The following HCN4 variants were observed in gnomAD, a reference collection of about 807,000 sequenced individuals.
HCN4 encodes potassium/sodium hyperpolarization-activated cyclic nucleotide-gated channel 4.
A neutral mutation model predicts 76.9 loss-of-function variants in HCN4; 29 were observed. The ratio of observed to expected loss-of-function variants is 0.38; its 90% confidence interval spans 0.28 to 0.51. HCN4 has a LOEUF of 0.51. HCN4 is among the 20% of genes least tolerant of loss of function. The pLI, the probability that HCN4 is intolerant of heterozygous loss-of-function variation, is 0.90. For missense variants in HCN4, 1,416 were observed against 1,715.2 expected, an observed-to-expected ratio of 0.83 and a Z score of 3.08; for synonymous variants, 772 against 762.5, an observed-to-expected ratio of 1.01 and a Z score of -0.21.
intron 2 of HCN4, among the ~76,000 whole-genome samples, chr15:73,333,082 C>T (rs1375442054): frequency 6.6e-6 from 1 of 152,142 alleles, no homozygotes; most frequent in Admixed American, 6.5e-5. Flanking sequence ...TTTACAGCAC[C>T]CTTGACCCCA....
chr15:73,351,764 A>C (rs529409719), intron 1 of HCN4, among the ~76,000 whole-genome samples: 17 of 152,116 alleles, frequency 1.1e-4, no homozygotes, highest in African/African-American at 3.9e-4. Flanking sequence ...TGAAATCCAA[A>C]TTCCTCACTG....
intron 6 of HCN4, 37 bp from the exon 7 acceptor site, chr15:73,324,290 A>G: frequency 6.2e-7 from 1 of 1,607,970 alleles, no homozygotes; most frequent in Non-Finnish European, 8.5e-7. Context: ...AGGCATGCAC[A>G]GCCTGCCCAG....
chr15:73,323,918 G>C lies in HCN4; in HGVS notation c.2175C>G (p.Val725=), dbSNP rs2042882216. ...GKKNSILLHK[V]QHDLNSGVFN... The stretch of plus-strand genomic sequence containing the variant: ...AGACGCCGGAGTTGAGGTCGTGCTG[G>C]ACTTTGTGGAGGAGGATGGAGTTCT... The change falls in exon 8 of 8, where the codon GTC becomes GTG. Residue 725 remains valine, a synonymous_variant. Coordinates refer to ENST00000261917, the MANE Select transcript of HCN4 (RefSeq NM_005477.3). 6.2e-7 allele frequency: 1 copy of C among 1,604,190 alleles called. No homozygotes were observed. Among genetic ancestry groups the C allele is most frequent in the Non-Finnish European group, 8.5e-7 (1 of 1,179,948 alleles).
intron 4 of HCN4, among the ~76,000 whole-genome samples, chr15:73,327,692 G>A (rs1184677443): frequency 1.3e-5 from 2 of 151,954 alleles, no homozygotes; most frequent in Non-Finnish European, 1.5e-5. Flanking sequence ...GTAGAGAAGG[G>A]TCCTCTAACC....
chr15:73,323,174 C>T lies in HCN4; in HGVS notation c.2919G>A (p.Gly973=), dbSNP rs2151214267. ...ACTCCCCGGGAGGCTGGCCCAGCTG[C>T]CCGGGGCTAGATGACGGGGATCTGG... is the stretch of plus-strand genomic sequence containing the variant. ...PSSRSPSSSP[G]QLGQPPGELS... Residue 973 remains glycine, a synonymous_variant, in exon 8 of 8, where the codon GGG becomes GGA. Coordinates refer to ENST00000261917, the MANE Select transcript of HCN4 (RefSeq NM_005477.3). 4.5e-6 allele frequency: 7 copies of T among 1,556,632 alleles called. No homozygotes were observed. Among genetic ancestry groups the T allele is most frequent in the Non-Finnish European group, 6.1e-6 (7 of 1,153,574 alleles).
chr15:73,323,170 G>A lies in HCN4; in HGVS notation c.2923C>T (p.Leu975=), dbSNP rs779810552. 1 of 1,556,254 alleles carries A rather than the reference G, an allele frequency of 6.4e-7. No individual in the cohort carries two copies. The highest frequency in any genetic ancestry group is 8.7e-7 in the Non-Finnish European group (1 of 1,153,306). The change falls in exon 8 of 8, where the codon CTG becomes TTG. Residue 975 remains leucine (L), a synonymous_variant. Coordinates refer to ENST00000261917, the MANE Select transcript of HCN4 (RefSeq NM_005477.3). ...GACAACTCCCCGGGAGGCTGGCCCA[G>A]CTGCCCGGGGCTAGATGACGGGGAT... is the stretch of plus-strand genomic sequence containing the variant. ...SRSPSSSPGQ[L]GQPPGELSLG...
Position 73,323,126 on chromosome 15 carries a change from G to A in HCN4, c.2967C>T (p.Gly989=). The stretch of plus-strand genomic sequence containing the variant: ...GGGGTGTCTCTGGCGTGCTCAGTGG[G>A]CCAGTGGCCAGACCTAGGGACAACT... ...PGELSLGLAT[G]PLSTPETPPR... Residue 989 remains glycine, a synonymous_variant, in exon 8 of 8, where the codon GGC becomes GGT. Coordinates refer to ENST00000261917, the MANE Select transcript of HCN4 (RefSeq NM_005477.3). 6.3e-7 allele frequency: 1 copy of A among 1,593,240 alleles called. No individual in the cohort carries two copies. Among genetic ancestry groups the A allele is most frequent in the Non-Finnish European group, 8.5e-7 (1 of 1,171,618 alleles).
intron 1 of HCN4, among the ~76,000 whole-genome samples, chr15:73,352,789 G>A (rs149370262): frequency 1.6e-3 from 239 of 152,318 alleles, no homozygotes; most frequent in African/African-American, 5.6e-3. Flanking sequence ...GGAGCCCTGA[G>A]GAGGGGATGA....
At chr15:73,342,104 G>A (rs1045733265) in intron 2 of HCN4, among the ~76,000 whole-genome samples, 1 of 152,232 alleles carries the variant, frequency 6.6e-6, no homozygotes, top group Non-Finnish European at 1.5e-5. Flanking sequence ...CTCCAGGCTG[G>A]CCTGCCTGCC....
intron 1 of HCN4, among the ~76,000 whole-genome samples, chr15:73,360,388 G>A (rs1313925869): frequency 6.6e-6 from 1 of 152,114 alleles, no homozygotes; most frequent in African/African-American, 2.4e-5. Context: ...CCCCATCTAT[G>A]AAACAAAGGC....
intron 1 of HCN4, among the ~76,000 whole-genome samples, chr15:73,344,164 C>T (rs1029597116): frequency 3.9e-5 from 6 of 152,178 alleles, no homozygotes; most frequent in African/African-American, 1.2e-4. Context: ...GAGCAGCTCA[C>T]CCCACACCAC....
chr15:73,337,217 G>GA (rs1195395206), intron 2 of HCN4, among the ~76,000 whole-genome samples: 2 of 152,210 alleles, frequency 1.3e-5, no homozygotes, highest in Non-Finnish European at 2.9e-5. Context: ...TTGCCCTGAT[G>GA]AATTTCCTTC....
At chr15:73,339,070 G>A (rs1228788510) in intron 2 of HCN4, among the ~76,000 whole-genome samples, 1 of 152,246 alleles carries the variant, frequency 6.6e-6, no homozygotes, top group African/African-American at 2.4e-5. Flanking sequence ...GGCCACTTCA[G>A]GCTGCCAAGG....
intron 1 of HCN4, among the ~76,000 whole-genome samples, chr15:73,346,066 A>G (rs1384512167): frequency 6.6e-6 from 1 of 152,214 alleles, no homozygotes; most frequent in Non-Finnish European, 1.5e-5. Context: ...CACTCTGACT[A>G]ATGGTTTCAA....
chr15:73,337,436 T>C (rs1037401306), intron 2 of HCN4, among the ~76,000 whole-genome samples: 2 of 152,224 alleles, frequency 1.3e-5, no homozygotes, highest in African/African-American at 4.8e-5. Context: ...CGGGCATGGC[T>C]AGAAAGAGTC....
intron 3 of HCN4, among the ~76,000 whole-genome samples, chr15:73,330,374 C>A (rs898780813): frequency 6.6e-6 from 1 of 152,246 alleles, no homozygotes; most frequent in Non-Finnish European, 1.5e-5. Context: ...CCCACTACCC[C>A]CAAGGCAGAC....
Position 73,329,684 on chromosome 15 carries a change from C to A in HCN4, c.1479G>T (p.Trp493Cys). 1 of 1,614,178 alleles carries A rather than the reference C, an allele frequency of 6.2e-7. No homozygotes were observed. The highest frequency in any genetic ancestry group is 8.5e-7 in the Non-Finnish European group (1 of 1,180,004). Residue 493 changes from tryptophan (W) to cysteine (C), a missense_variant, in exon 4 of 8, where the codon TGG (tryptophan) becomes TGT (cysteine). Physicochemically the swap from Trp to Cys is radical, Grantham distance 215 (BLOSUM62 -2). This residue lies in a region of HCN4 where 112 missense variants were observed against 259.9 expected (regional missense o/e 0.43). Transcript: ENST00000261917. ...RQAPVGMSDV[W>C]LTMLSMIVGA... ...CCACGATCATGCTGAGCATGGTGAGCCAGACGTCGGACATGCCCACGGGCG... is the reference window on the plus strand; with the variant it reads ...CCACGATCATGCTGAGCATGGTGAGACAGACGTCGGACATGCCCACGGGCG...
intron 1 of HCN4, among the ~76,000 whole-genome samples, chr15:73,361,144 A>G (rs2680344): frequency 0.34 from 51,460 of 152,056 alleles, 10,602 homozygotes; most frequent in African/African-American, 0.59. Flanking sequence ...GCACATCTGG[A>G]TGCTGTATTT....
In HCN4 at chr15:73,321,160, G is replaced by A. The variant is rs948594410; in HGVS notation, c.*1321C>T. ...CATTTTACAAATGAGGTGACAGAAA[G>A]GTCAGATAACTTGCCCAAGATCATA... On this transcript the variant is annotated 3_prime_UTR_variant, in exon 8 of 8. Coordinates refer to ENST00000261917, the MANE Select transcript of HCN4 (RefSeq NM_005477.3). 9 of 152,204 alleles carry A rather than the reference G, an allele frequency of 5.9e-5. No individual in the cohort carries two copies. The highest frequency in any genetic ancestry group is 2.2e-4 in the African/African-American group (9 of 41,450). 9.4% of individuals were successfully genotyped at this position (152,204 alleles called of 1,614,324 possible).
Sources: allele counts gnomAD v4.1 joint callset (sites outside exome capture counted in the v4.1 genomes callset), GRCh38; gene constraint gnomAD v4.1.1; regional missense constraint gnomAD v4.1.1; transcripts MANE v1.5; gene names NCBI Gene and HGNC (gene_info 2026-07-23, HGNC 2026-07-21).